Variants in NCAM1 observed in about 807,000 individuals in gnomAD.
NCAM1 encodes the protein antigen recognized by monoclonal antibody 5.1H11.
NCAM1 carries 14 observed loss-of-function variants against 109.8 expected under a neutral mutation model. The observed-to-expected ratio is 0.13, with a 90% CI of 0.08 to 0.20. The LOEUF is 0.20. Ranked by LOEUF, NCAM1 falls within the 10% of genes least tolerant of loss-of-function variation. NCAM1 has a pLI of 1.00. For synonymous variants in NCAM1, 418 were observed against 442.9 expected (o/e 0.94, Z 0.70); for missense variants, 774 against 1,109.9 (o/e 0.70, Z 4.30).
At chr11:113,166,533 T>G (rs1286755918) in intron 1 of NCAM1, among the ~76,000 whole-genome samples, 1 of 152,210 alleles carries the variant, frequency 6.6e-6, no homozygotes, top group Non-Finnish European at 1.5e-5. Context: ...AAGCACAGAT[T>G]GTTTAAAGAT....
At chr11:113,035,571 T>C (rs1480560283) in intron 1 of NCAM1, among the ~76,000 whole-genome samples, 1 of 152,172 alleles carries the variant, frequency 6.6e-6, no homozygotes, top group Non-Finnish European at 1.5e-5. Flanking sequence ...ACTGAAATAT[T>C]TTTTAAAGGC....
chr11:113,044,414 G>C (rs73566645), intron 1 of NCAM1, among the ~76,000 whole-genome samples: 1 of 152,122 alleles, frequency 6.6e-6, no homozygotes, highest in Admixed American at 6.5e-5. Context: ...GCTGGGTGTG[G>C]TGGCTCATGC....
At chr11:113,261,169 G>C (rs1283948694) in intron 17 of NCAM1, among the ~76,000 whole-genome samples, 1 of 152,142 alleles carries the variant, frequency 6.6e-6, no homozygotes, top group Non-Finnish European at 1.5e-5. Flanking sequence ...TTCAAGTGTG[G>C]TGGGAAGACG....
At position 112,963,035 on chromosome 11, in the gene NCAM1, A is replaced by T. The variant is rs1950614139; in HGVS notation, c.52+1371A>T. 6.6e-6 allele frequency among the ~76,000 whole-genome samples: 1 copy of T among 152,076 alleles called. No individual in the cohort carries two copies. Among genetic ancestry groups the T allele is most frequent in the African/African-American group, 2.4e-5 (1 of 41,434 alleles). On this transcript the variant is annotated intron_variant, in intron 1 of 19. Transcript: ENST00000316851. This position sits in a 1 kb window ranked among gnomAD's most constrained non-coding sequence, Gnocchi z 4.6. ...AGTGCGCCCCCTCCGCGGGCGGCACAAGAGCAGCGCTCGGCCGCCGCCTCC... is the reference window on the plus strand; with the variant it reads ...AGTGCGCCCCCTCCGCGGGCGGCACTAGAGCAGCGCTCGGCCGCCGCCTCC...
intron 14 of NCAM1, among the ~76,000 whole-genome samples, chr11:113,242,096 T>C (rs1175855440): frequency 3.3e-5 from 5 of 152,198 alleles, no homozygotes; most frequent in African/African-American, 1.2e-4. Flanking sequence ...CCTCCCCAAG[T>C]CTCAGATTTC....
At chr11:113,256,220 T>C (rs1341103213) in intron 16 of NCAM1, among the ~76,000 whole-genome samples, 3 of 152,224 alleles carry the variant, frequency 2.0e-5, no homozygotes, top group African/African-American at 7.2e-5. Context: ...ACCTCATAGA[T>C]GACTGTGGTG....
chr11:113,003,763 T>A (rs1951816809), intron 1 of NCAM1: 1 of 152,262 alleles, frequency 6.6e-6, no homozygotes, highest in South Asian at 2.1e-4. Flanking sequence ...TTGATCATGC[T>A]GAACCAATTG....
chr11:113,245,414 C>T (rs1945472996), intron 14 of NCAM1, among the ~76,000 whole-genome samples: 1 of 152,208 alleles, frequency 6.6e-6, no homozygotes, highest in Admixed American at 6.5e-5. Context: ...TGCACTGCAG[C>T]CTGGGTGATG....
chr11:113,132,459 G>A (rs1375879321), intron 1 of NCAM1, among the ~76,000 whole-genome samples: 1 of 125,912 alleles, frequency 7.9e-6, no homozygotes, highest in South Asian at 2.9e-4. Flanking sequence ...CAAGGGAGAG[G>A]GGGCTTTACC....
At chr11:113,228,367 A>C (rs561389978) in intron 9 of NCAM1, among the ~76,000 whole-genome samples, 179 of 152,342 alleles carry the variant, frequency 1.2e-3, no homozygotes, top group African/African-American at 4.2e-3. Flanking sequence ...CTGGGAATCC[A>C]ACTTACAAGG....
At chr11:113,050,178 AG>A (rs1378407934) in intron 1 of NCAM1, among the ~76,000 whole-genome samples, 1 of 152,134 alleles carries the variant, frequency 6.6e-6, no homozygotes, top group African/African-American at 2.4e-5. Context: ...TTAATGACTG[AG>A]GAAAAAAAGA....
Position 113,204,300 on chromosome 11 carries a change from A to G in NCAM1, c.142A>G (p.Lys48Glu). 1 of 1,611,632 alleles carries G rather than the reference A, an allele frequency of 6.2e-7. No homozygotes were observed. The highest frequency in any genetic ancestry group is 8.5e-7 in the Non-Finnish European group (1 of 1,178,910). ...FFLCQVAGDA[K>E]DKDISWFSPN... ...TTCCTCTTTAGTGGCAGGAGATGCC[A>G]AAGATAAAGACATCTCCTGGTTCTC... The change falls in exon 3 of 20, where the codon AAA becomes GAA. Residue 48 changes from lysine to glutamate, a missense_variant. By Grantham distance (56) the Lys-to-Glu change is moderately conservative. This residue lies in a region of NCAM1 where 112 missense variants were observed against 142.0 expected (regional missense o/e 0.79). Transcript: ENST00000316851.
chr11:113,271,369 CAAAAAAAA>C (rs71060298), intron 18 of NCAM1, among the ~76,000 whole-genome samples: 35 of 66,886 alleles, frequency 5.2e-4, no homozygotes, highest in Admixed American at 4.2e-3. Flanking sequence ...GACTCTGTCT[CAAAAAAAA>C]AAAAAAAAAA....
chr11:113,208,740 A>G (rs1944312714), intron 7 of NCAM1, among the ~76,000 whole-genome samples: 1 of 151,880 alleles, frequency 6.6e-6, no homozygotes, highest in African/African-American at 2.4e-5. Context: ...TCATTTGCAT[A>G]TTTGTTTTGG....
At chr11:113,101,640 A>G (rs1939880159) in intron 1 of NCAM1, among the ~76,000 whole-genome samples, 1 of 152,186 alleles carries the variant, frequency 6.6e-6, no homozygotes, top group South Asian at 2.1e-4. Flanking sequence ...TTTATGTATC[A>G]AAGAAGTAAG....
intron 1 of NCAM1, among the ~76,000 whole-genome samples, chr11:113,149,606 C>G (rs1011646978): frequency 6.6e-6 from 1 of 151,400 alleles, no homozygotes; most frequent in Non-Finnish European, 1.5e-5. Flanking sequence ...ATTTCCCTCT[C>G]TGTCTCTAAA....
chr11:113,092,095 T>C (rs1939373181), intron 1 of NCAM1, among the ~76,000 whole-genome samples: 3 of 152,176 alleles, frequency 2.0e-5, no homozygotes, highest in South Asian at 2.1e-4. Context: ...AATTCTCATA[T>C]TGTCTTTACA....
chr11:113,186,827 A>C (rs1943522604), intron 1 of NCAM1, among the ~76,000 whole-genome samples: 1 of 152,254 alleles, frequency 6.6e-6, no homozygotes, highest in African/African-American at 2.4e-5. Flanking sequence ...ATATTCACAC[A>C]CAGCAGAGGT....
intron 1 of NCAM1, among the ~76,000 whole-genome samples, chr11:113,027,251 G>T (rs1337018718): frequency 4.6e-5 from 7 of 152,196 alleles, no homozygotes; most frequent in Admixed American, 6.5e-5. Context: ...ATGAAGAAAA[G>T]AAATTTGGGA....
Sources: gnomAD v4.1 joint callset for allele counts (sites outside exome capture counted in the v4.1 genomes callset) on GRCh38, gnomAD v4.1.1 for gene constraint, gnomAD v4.1.1 regional missense constraint, Gnocchi (gnomAD v3.1) non-coding constraint, MANE v1.5 for transcripts, NCBI Gene and HGNC (gene_info 2026-07-23, HGNC 2026-07-21) for gene names.